The following ROBO2 variants were observed in gnomAD, a reference collection of about 807,000 sequenced individuals.
The protein encoded by ROBO2 is roundabout homolog 2.
ROBO2 carries 53 observed loss-of-function variants against 160.8 expected under a neutral mutation model. The ratio of observed to expected loss-of-function variants is 0.33; its 90% CI spans 0.26 to 0.41. The LOEUF is 0.41. Among genes scored for constraint, ROBO2 ranks in the 10% least tolerant of loss-of-function variants. The pLI is 1.00. For synonymous variants in ROBO2, 664 were observed against 611.7 expected (o/e 1.09, Z -1.26); for missense variants, 1,577 against 1,722.4 (o/e 0.92, Z 1.49).
At chr3:76,153,243 C>T (rs1232732797) in intron 2 of ROBO2, among the ~76,000 whole-genome samples, 1 of 152,080 alleles carries the variant, frequency 6.6e-6, no homozygotes, top group Non-Finnish European at 1.5e-5. Flanking sequence ...AAGCTGCATC[C>T]CAGAGAGTTT....
At chr3:76,371,821 T>A (rs2076117287) in intron 2 of ROBO2, among the ~76,000 whole-genome samples, 1 of 151,926 alleles carries the variant, frequency 6.6e-6, no homozygotes. Context: ...GAATTCACAT[T>A]GCATGTATCA....
intron 2 of ROBO2, among the ~76,000 whole-genome samples, chr3:77,324,063 T>C (rs2065098296): frequency 6.6e-6 from 1 of 151,974 alleles, no homozygotes; most frequent in Admixed American, 6.6e-5. Flanking sequence ...GGTGAGAGGG[T>C]CTCCCAATTT....
At chr3:76,591,545 C>G (rs1031619682) in intron 2 of ROBO2, among the ~76,000 whole-genome samples, 15 of 151,986 alleles carry the variant, frequency 9.9e-5, no homozygotes, top group African/African-American at 3.6e-4. Flanking sequence ...TAATACAAAC[C>G]TCCTGAATTC....
chr3:76,491,857 G>T (rs1001562196), intron 2 of ROBO2, among the ~76,000 whole-genome samples: 1 of 152,178 alleles, frequency 6.6e-6, no homozygotes, highest in East Asian at 1.9e-4. Context: ...CACTTTGGGA[G>T]GCCAAGGCAG....
chr3:76,924,518 C>T (rs1411568997), intron 2 of ROBO2, among the ~76,000 whole-genome samples: 2 of 152,188 alleles, frequency 1.3e-5, no homozygotes, highest in African/African-American at 4.8e-5. Flanking sequence ...CATTTACTGT[C>T]TGTAAGCTAC....
exon 24 of ROBO2, chr3:77,634,998 G>A: frequency 1.2e-6 from 2 of 1,614,150 alleles, no homozygotes; most frequent in Non-Finnish European, 1.7e-6. Flanking sequence ...AGGGCGGATG[G>A]ACCAACAACC....
intron 2 of ROBO2, among the ~76,000 whole-genome samples, chr3:77,306,322 A>G (rs1339325042): frequency 6.6e-6 from 1 of 152,160 alleles, no homozygotes; most frequent in Non-Finnish European, 1.5e-5. Flanking sequence ...CTCTTATAGT[A>G]CATATGAAAT....
intron 2 of ROBO2, among the ~76,000 whole-genome samples, chr3:76,268,495 C>A (rs1707231862): frequency 6.6e-6 from 1 of 152,118 alleles, no homozygotes; most frequent in African/African-American, 2.4e-5. Flanking sequence ...TTCTCACTTG[C>A]AGATGGCCAC....
intron 6 of ROBO2, among the ~76,000 whole-genome samples, chr3:77,537,003 T>C (rs570695262): frequency 8.1e-4 from 123 of 151,848 alleles, no homozygotes; most frequent in African/African-American, 2.9e-3. Flanking sequence ...CATTTTGATA[T>C]TTACATTGTG....
chr3:76,835,815 A>G (rs1211896630), intron 2 of ROBO2, among the ~76,000 whole-genome samples: 1 of 152,020 alleles, frequency 6.6e-6, no homozygotes, highest in Non-Finnish European at 1.5e-5. Context: ...AGAATAAATT[A>G]CGTTTCACCT....
chr3:77,397,678 T>A (rs1020711397), intron 2 of ROBO2, among the ~76,000 whole-genome samples: 1 of 152,182 alleles, frequency 6.6e-6, no homozygotes. Flanking sequence ...TAAGTGCCTA[T>A]AAATGTTCAA....
At chr3:77,270,088 C>A (rs2153352830) in intron 2 of ROBO2, among the ~76,000 whole-genome samples, 1 of 152,258 alleles carries the variant, frequency 6.6e-6, no homozygotes, top group African/African-American at 2.4e-5. Context: ...CATATTATGC[C>A]TTATCCCAGT....
chr3:76,705,655 A>T (rs2093145908), intron 2 of ROBO2, among the ~76,000 whole-genome samples: 1 of 152,166 alleles, frequency 6.6e-6, no homozygotes, highest in Non-Finnish European at 1.5e-5. Context: ...AGCTCTTCTC[A>T]TAAGAAATAC....
intron 19 of ROBO2, 35 bp from the exon 21 acceptor site, chr3:77,602,175 C>T: frequency 6.2e-7 from 1 of 1,612,658 alleles, no homozygotes; most frequent in Non-Finnish European, 8.5e-7. Context: ...TCCGGTGCCT[C>T]ATTAAATTGT....
chr3:76,055,335 C>A (rs1290942659), intron 2 of ROBO2, among the ~76,000 whole-genome samples: 1 of 152,072 alleles, frequency 6.6e-6, no homozygotes, highest in Admixed American at 6.5e-5. Context: ...TCACCACCAT[C>A]TTTTTATTGT....
chr3:76,967,491 G>A (rs1214092057), intron 2 of ROBO2, among the ~76,000 whole-genome samples: 2 of 135,474 alleles, frequency 1.5e-5, no homozygotes, highest in Non-Finnish European at 3.1e-5. Context: ...ACAGTCATAA[G>A]CCACCGCACC....
chr3:76,919,160 C>G (rs939542491), intron 2 of ROBO2, among the ~76,000 whole-genome samples: 3 of 152,112 alleles, frequency 2.0e-5, no homozygotes, highest in Admixed American at 6.5e-5. Context: ...AACAAACCTG[C>G]ACATTCTGCA....
At chr3:77,192,044 G>T (rs1389260282) in intron 2 of ROBO2, among the ~76,000 whole-genome samples, 1 of 152,128 alleles carries the variant, frequency 6.6e-6, no homozygotes, top group African/African-American at 2.4e-5. Context: ...AAACAGGATG[G>T]CAAACTCTTT....
chr3:77,266,804 C>G (rs1309040097), intron 2 of ROBO2, among the ~76,000 whole-genome samples: 1 of 152,090 alleles, frequency 6.6e-6, no homozygotes, highest in African/African-American at 2.4e-5. Flanking sequence ...ATGTAAGGGT[C>G]ACAATGCCTG....
Sources: allele counts gnomAD v4.1 joint callset (sites outside exome capture counted in the v4.1 genomes callset), GRCh38; gene constraint gnomAD v4.1.1; transcripts MANE v1.5; gene names NCBI Gene and HGNC (gene_info 2026-07-23, HGNC 2026-07-21).